TAF4: variants seen among roughly 807,000 people sequenced by gnomAD.
TAF4 encodes transcription initiation factor TFIID subunit 4.
In TAF4, 9 loss-of-function variants were observed where a neutral mutation model predicts 90.3. The ratio of observed to expected loss-of-function variants is 0.10; its 90% CI spans 0.06 to 0.17. The LOEUF (loss-of-function observed/expected upper bound fraction) is 0.17, where lower values mean the gene tolerates loss of function less well. Ranked by LOEUF, TAF4 falls within the 10% of genes least tolerant of loss-of-function variation. The pLI is 1.00. For synonymous variants in TAF4, 818 were observed against 638.9 expected, an observed-to-expected ratio of 1.28 and a Z score of -4.23; for missense variants, 1,351 against 1,370.7, an observed-to-expected ratio of 0.99 and a Z score of 0.23.
chr20:62,020,325 C>CGG (rs2055835654), intron 1 of TAF4, among the ~76,000 whole-genome samples: 1 of 152,226 alleles, frequency 6.6e-6, no homozygotes, highest in Non-Finnish European at 1.5e-5. Context: ...CCCAGCTCTC[C>CGG]TCCTGAGGCT....
At chr20:61,991,415 C>T (rs1425642552) in intron 14 of TAF4, among the ~76,000 whole-genome samples, 5 of 148,836 alleles carry the variant, frequency 3.4e-5, no homozygotes, top group South Asian at 2.2e-4. Flanking sequence ...CAGAGGGAGA[C>T]TCTGTCTCAA....
chr20:62,026,531 T>C (rs1384549287), intron 1 of TAF4, among the ~76,000 whole-genome samples: 5 of 152,200 alleles, frequency 3.3e-5, no homozygotes, highest in South Asian at 2.1e-4. Flanking sequence ...TGGTCAGGCC[T>C]GAGGAGCAGG....
intron 8 of TAF4, 46 bp downstream of exon 8, chr20:62,003,685 G>C (rs1336038049): frequency 6.6e-7 from 1 of 1,520,098 alleles, no homozygotes; most frequent in Non-Finnish European, 8.7e-7. Flanking sequence ...CTGGCTCTGG[G>C]AGCAGCCCTT....
At chr20:62,050,067 G>C (rs1465535169) in intron 1 of TAF4, among the ~76,000 whole-genome samples, 1 of 152,180 alleles carries the variant, frequency 6.6e-6, no homozygotes, top group Non-Finnish European at 1.5e-5. Flanking sequence ...GGAGTTGTAA[G>C]TACTCACGGA....
At chr20:62,044,230 T>C (rs991753971) in intron 1 of TAF4, among the ~76,000 whole-genome samples, 1 of 152,228 alleles carries the variant, frequency 6.6e-6, no homozygotes, top group African/African-American at 2.4e-5. Flanking sequence ...CACATAAAAC[T>C]TCAAGTTTTT....
In TAF4 at chr20:62,064,082, TG is replaced by T. The variant is rs574899910; in HGVS notation, c.1360+368del. Among the ~76,000 whole-genome samples, 239 of 152,308 alleles carry T rather than the reference TG, an allele frequency of 1.6e-3. 1 individual carries two copies. The highest frequency in any genetic ancestry group is 5.4e-3 in the African/African-American group (225 of 41,554). ...CCTCAGCTCTGCAGACCCCATCGCCTGGCCCAGGGAGCCCCTGCGCTGAGCC... is the reference window on the plus strand; with the variant it reads ...CCTCAGCTCTGCAGACCCCATCGCCTGCCCAGGGAGCCCCTGCGCTGAGCC... On this transcript the variant is annotated intron_variant, in intron 1 of 14. Transcript: ENST00000252996.
chr20:62,003,692 C>A, intron 8 of TAF4, 39 bp downstream of exon 8: 1 of 1,540,776 alleles, frequency 6.5e-7, no homozygotes, highest in Non-Finnish European at 8.7e-7. Flanking sequence ...TGGGAGCAGC[C>A]CTTGGTGTTG....
intron 1 of TAF4, among the ~76,000 whole-genome samples, chr20:62,043,700 A>G (rs1165231703): frequency 6.6e-6 from 1 of 152,194 alleles, no homozygotes; most frequent in African/African-American, 2.4e-5. Context: ...TTACAACTGT[A>G]CACGTCACAA....
chr20:62,015,414 T>C (rs1001028955), intron 1 of TAF4, among the ~76,000 whole-genome samples: 1 of 152,260 alleles, frequency 6.6e-6, no homozygotes, highest in Non-Finnish European at 1.5e-5. Flanking sequence ...ATATCATAAA[T>C]TCCATTAGAA....
intron 1 of TAF4, among the ~76,000 whole-genome samples, chr20:62,056,966 A>G (rs777055791): frequency 2.0e-5 from 3 of 152,190 alleles, no homozygotes; most frequent in Non-Finnish European, 4.4e-5. Flanking sequence ...GCAAAGCTCC[A>G]AAGCAAGGCA....
At position 62,008,835 on chromosome 20, in the gene TAF4, G is replaced by A. The variant is rs559575141; in HGVS notation, c.1884+217C>T. On this transcript the variant is annotated intron_variant, in intron 5 of 14. Transcript: ENST00000252996. ...AACGGCAAAGCCCGGGAGACCTCCA[G>A]GCGCCGGCCCCAGAACACCCAGCCC... 2.0e-5 allele frequency: 10 copies of A among 489,026 alleles called. No individual in the cohort carries two copies. The South Asian group carries it at 3.8e-4, about 19-fold the overall frequency. 30.3% of individuals were successfully genotyped at this position (489,026 alleles called of 1,614,324 possible).
intron 1 of TAF4, among the ~76,000 whole-genome samples, chr20:62,052,541 T>C (rs1371995828): frequency 6.6e-5 from 10 of 151,124 alleles, no homozygotes; most frequent in Non-Finnish European, 3.0e-5. Context: ...GTGTGCCCTG[T>C]GGGTCACTGC....
intron 1 of TAF4, among the ~76,000 whole-genome samples, chr20:62,045,446 T>C (rs975326429): frequency 1.3e-5 from 2 of 152,198 alleles, no homozygotes; most frequent in Non-Finnish European, 2.9e-5. Flanking sequence ...GCAGAATCCC[T>C]GCACGTGCAA....
At chr20:61,991,292 A>T (rs962312335) in intron 14 of TAF4, among the ~76,000 whole-genome samples, 11 of 151,946 alleles carry the variant, frequency 7.2e-5, no homozygotes, top group African/African-American at 2.7e-4. Context: ...GTGGTGGTGC[A>T]CACCTGTAAT....
At chr20:62,048,180 A>G (rs1259699901) in intron 1 of TAF4, among the ~76,000 whole-genome samples, 1 of 152,202 alleles carries the variant, frequency 6.6e-6, no homozygotes, top group Non-Finnish European at 1.5e-5. Flanking sequence ...CTTCCCACAC[A>G]GGGCAGGCTG....
chr20:62,000,803 C>T (rs980039155), intron 9 of TAF4, 82 bp from the exon 10 acceptor site: 8 of 1,516,066 alleles, frequency 5.3e-6, no homozygotes, highest in African/African-American at 2.7e-5. Context: ...GCAGGAAACC[C>T]CACGTGGAAG....
rs1019222036 is a variant in TAF4, at chr20:62,006,432, G to A, written c.2223+78C>T. ...CATGCTTGGAAAAGGTTTCTGAGCC[G>A]TGGCCAATTTATCTAAGAAGCGGGC... is the stretch of plus-strand genomic sequence containing the variant. On this transcript the variant is annotated intron_variant, in intron 7 of 14. Transcript: ENST00000252996. The surrounding 1 kb of genome is among the most constrained non-coding windows in gnomAD (Gnocchi z 7.0). 1.4e-5 allele frequency: 18 copies of A among 1,320,982 alleles called. No homozygotes were observed. The highest frequency in any genetic ancestry group is 9.0e-5 in the African/African-American group (6 of 66,384). The allele number at this position is 1,320,982 out of a possible 1,614,324, so 81.8% of individuals were successfully genotyped here. A position where few individuals can be genotyped will look rare whatever the true frequency, so the allele number is the denominator to read the frequency against.
At chr20:62,012,736 T>C in intron 3 of TAF4, 79 bp downstream of exon 3, 2 of 1,394,472 alleles carry the variant, frequency 1.4e-6, no homozygotes, top group Non-Finnish European at 1.9e-6. Context: ...AAAAAACTCC[T>C]AAGGCCTGAT....
chr20:62,061,836 A>G (rs56306558), intron 1 of TAF4, among the ~76,000 whole-genome samples: 88 of 152,360 alleles, frequency 5.8e-4, no homozygotes, highest in Non-Finnish European at 1.1e-3. Flanking sequence ...TTACATTAAC[A>G]TAACTGTCTT....
Sources: gnomAD v4.1 joint callset for allele counts (sites outside exome capture counted in the v4.1 genomes callset) on GRCh38, gnomAD v4.1.1 for gene constraint, Gnocchi (gnomAD v3.1) non-coding constraint, MANE v1.5 for transcripts, NCBI Gene and HGNC (gene_info 2026-07-23, HGNC 2026-07-21) for gene names.